The following MAN1A2 variants were observed in gnomAD, a reference collection of about 807,000 sequenced individuals.
The protein encoded by MAN1A2 is mannosyl-oligosaccharide 1,2-alpha-mannosidase IB.
In MAN1A2, 26 loss-of-function variants were observed where a neutral mutation model predicts 75.7. That is an observed-to-expected ratio of 0.34 (90% CI 0.25 to 0.48). The LOEUF is 0.48. MAN1A2 is among the 20% of genes least tolerant of loss of function. The pLI, the probability that MAN1A2 is intolerant of heterozygous loss-of-function variation, is 0.99. For synonymous variants in MAN1A2, 247 were observed against 264.6 expected (o/e 0.93, Z 0.65); for missense variants, 562 against 775.5 (o/e 0.72, Z 3.27).
rs1461025216 is a variant in MAN1A2 at position 117,524,798 on chromosome 1, CAT to C, written c.*1842_*1843del. 1.7e-5 allele frequency: 3 copies of C among 178,644 alleles called. No homozygotes were observed. The highest frequency in any genetic ancestry group is 1.3e-4 in the East Asian group (1 of 7,492). 11.1% of individuals were successfully genotyped at this position (178,644 alleles called of 1,614,324 possible). Reference sequence around the variant, plus strand: ...TCCTTAAGAGAGTTAAATTATAGCACATGTTTTGACATTGTAATATCTTTTAC... The same window carrying C: ...TCCTTAAGAGAGTTAAATTATAGCACGTTTTGACATTGTAATATCTTTTAC... On this transcript the variant is annotated 3_prime_UTR_variant, in exon 13 of 13. Coordinates refer to ENST00000356554, the MANE Select transcript of MAN1A2 (RefSeq NM_006699.5).
At chr1:117,488,320 C>T (rs567586148) in intron 8 of MAN1A2, among the ~76,000 whole-genome samples, 3 of 151,792 alleles carry the variant, frequency 2.0e-5, no homozygotes, top group Non-Finnish European at 2.9e-5. Context: ...CTCAGCCTCC[C>T]AAGTAGCTGG....
intron 8 of MAN1A2, among the ~76,000 whole-genome samples, chr1:117,489,826 A>G (rs542137520): frequency 1.3e-5 from 2 of 152,198 alleles, no homozygotes; most frequent in African/African-American, 4.8e-5. Flanking sequence ...TTTCTTTCCC[A>G]TAATGGATAG....
intron 5 of MAN1A2, among the ~76,000 whole-genome samples, chr1:117,436,665 C>T (rs72691716): frequency 0.076 from 11,616 of 152,246 alleles, 497 homozygotes; most frequent in Middle Eastern, 0.15. Flanking sequence ...CTTTCGCTTA[C>T]TATAGAAGAG....
In MAN1A2 at chr1:117,389,243, T is replaced by C. The variant is rs1653640837; in HGVS notation, c.303-12943T>C. Among the ~76,000 whole-genome samples, 3 of 152,236 alleles carry C rather than the reference T, an allele frequency of 2.0e-5. No individual in the cohort carries two copies. The South Asian group carries it at 6.2e-4, about 32-fold the overall frequency. ...ATACCTTCTTCAGTTTCTGATTTGT[T>C]ACAGCAGCAGTCCCCAATCTTTTTG... On this transcript the variant is annotated intron_variant, in intron 1 of 12. Coordinates refer to ENST00000356554, the MANE Select transcript of MAN1A2 (RefSeq NM_006699.5).
intron 5 of MAN1A2, among the ~76,000 whole-genome samples, chr1:117,439,669 GT>G (rs1403405185): frequency 6.6e-6 from 1 of 151,834 alleles, no homozygotes; most frequent in African/African-American, 2.4e-5. Flanking sequence ...AATTTTTTGT[GT>G]TTTTAGTAGA....
intron 12 of MAN1A2, among the ~76,000 whole-genome samples, chr1:117,505,796 G>T (rs1174651356): frequency 6.6e-6 from 1 of 151,186 alleles, no homozygotes; most frequent in Non-Finnish European, 1.5e-5. Flanking sequence ...ATTATAAAAT[G>T]ACTTAAATTG....
chr1:117,414,633 G>T, intron 3 of MAN1A2, 80 bp from the exon 4 acceptor site: 1 of 715,080 alleles, frequency 1.4e-6, no homozygotes, highest in South Asian at 1.7e-5. Context: ...GAATGTGAAG[G>T]GAATCTTTTT....
At chr1:117,458,522 T>TATATATATATATA (rs1196587087) in intron 6 of MAN1A2, among the ~76,000 whole-genome samples, 1 of 90,152 alleles carries the variant, frequency 1.1e-5, no homozygotes, top group African/African-American at 4.8e-5. Flanking sequence ...GATATATATA[T>TATATATATATATA]ATTTTTTTTT....
intron 11 of MAN1A2, 30 bp downstream of exon 11, chr1:117,499,584 C>G (rs750746240): frequency 1.3e-6 from 2 of 1,563,898 alleles, no homozygotes; most frequent in South Asian, 2.4e-5. Context: ...ATTTTATCTG[C>G]AAGAGTGTTA....
chr1:117,394,606 A>C (rs1487601589), intron 1 of MAN1A2, among the ~76,000 whole-genome samples: 2 of 152,188 alleles, frequency 1.3e-5, no homozygotes, highest in Admixed American at 6.5e-5. Flanking sequence ...AATGAGTGTA[A>C]GAGCAGAAGT....
chr1:117,510,921 C>T (rs974900303), intron 12 of MAN1A2, among the ~76,000 whole-genome samples: 2 of 152,146 alleles, frequency 1.3e-5, no homozygotes, highest in African/African-American at 4.8e-5. Context: ...TGTCCTTGCC[C>T]TCCTTTATTT....
chr1:117,389,198 TTC>T (rs1417591351), intron 1 of MAN1A2, among the ~76,000 whole-genome samples: 1 of 152,244 alleles, frequency 6.6e-6, no homozygotes, highest in African/African-American at 2.4e-5. Flanking sequence ...TGATAGTTTC[TTC>T]TTTTTCCTTT....
intron 1 of MAN1A2, among the ~76,000 whole-genome samples, chr1:117,387,536 G>C (rs1407762489): frequency 6.6e-6 from 1 of 151,980 alleles, no homozygotes; most frequent in Non-Finnish European, 1.5e-5. Context: ...CGTATCAGTA[G>C]GTTCACTAAT....
At chr1:117,514,133 C>T (rs1240385045) in intron 12 of MAN1A2, among the ~76,000 whole-genome samples, 9 of 152,012 alleles carry the variant, frequency 5.9e-5, no homozygotes. Flanking sequence ...GAGGCCAAGG[C>T]GGGTGGATCA....
intron 5 of MAN1A2, among the ~76,000 whole-genome samples, chr1:117,429,584 AC>A (rs1437242669): frequency 1.2e-4 from 7 of 60,134 alleles, no homozygotes; most frequent in African/African-American, 7.5e-5. Flanking sequence ...CGGGGGGCTG[AC>A]CCCCCCACCT....
intron 8 of MAN1A2, among the ~76,000 whole-genome samples, chr1:117,479,457 T>C (rs946901811): frequency 9.2e-5 from 14 of 151,942 alleles, no homozygotes; most frequent in African/African-American, 3.1e-4. Flanking sequence ...TTTGGGTATA[T>C]ATCCAGTAAT....
intron 12 of MAN1A2, among the ~76,000 whole-genome samples, chr1:117,519,856 A>C (rs1006231051): frequency 6.6e-6 from 1 of 151,982 alleles, no homozygotes; most frequent in Non-Finnish European, 1.5e-5. Context: ...TAATACCAAA[A>C]CCAGGAAAGG....
At position 117,526,874 on chromosome 1, in the gene MAN1A2, C is replaced by CTA. The variant is rs1339657740; in HGVS notation, c.*3918_*3919insAT. On this transcript the variant is annotated 3_prime_UTR_variant, in exon 13 of 13. Transcript: ENST00000356554. ...TCTCTCTCTCTCTCTCTCTCTCTCT[C>CTA]TCTCTCTATATATATATATATATAT... 3.0e-4 allele frequency: 22 copies of CTA among 73,964 alleles called. 1 individual carries two copies. The highest frequency in any genetic ancestry group is 5.9e-4 in the African/African-American group (11 of 18,564). The allele number at this position is 73,964 out of a possible 1,614,324, so 4.6% of individuals were successfully genotyped here. A position where few individuals can be genotyped will look rare whatever the true frequency, so the allele number is the denominator to read the frequency against.
chr1:117,453,958 A>C (rs992826509), intron 6 of MAN1A2, among the ~76,000 whole-genome samples: 13 of 152,200 alleles, frequency 8.5e-5, no homozygotes, highest in Admixed American at 5.2e-4. Context: ...ATCGTCATCA[A>C]GGCAAGACCC....
Sources: allele counts gnomAD v4.1 joint callset (sites outside exome capture counted in the v4.1 genomes callset), GRCh38; gene constraint gnomAD v4.1.1; transcripts MANE v1.5; gene names NCBI Gene and HGNC (gene_info 2026-07-23, HGNC 2026-07-21).